Variants in COL23A1 observed in about 807,000 individuals in gnomAD.
The protein encoded by COL23A1 is collagen alpha-1(XXIII) chain.
In COL23A1, 97 loss-of-function variants were observed where a neutral mutation model predicts 99.3. The observed-to-expected ratio is 0.98, with a 90% CI of 0.83 to 1.16. The LOEUF is 1.16. COL23A1 is among the 50% of genes most tolerant of loss of function. The pLI, the probability that COL23A1 is intolerant of heterozygous loss-of-function variation, is 0.00. For missense variants in COL23A1, 762 were observed against 757.4 expected (o/e 1.01, Z -0.07); for synonymous variants, 320 against 308.2 (o/e 1.04, Z -0.40).
Position 178,428,257 on chromosome 5 carries a change from G to T in COL23A1, c.362-121338C>A, listed in dbSNP as rs142771160. 8.3e-4 allele frequency among the ~76,000 whole-genome samples: 126 copies of T among 152,276 alleles called. 1 individual carries two copies. In the East Asian group the frequency reaches 0.022, roughly 27 times the overall value. On this transcript the variant is annotated intron_variant, in intron 2 of 28. Coordinates refer to ENST00000390654, the MANE Select transcript of COL23A1 (RefSeq NM_173465.4). The surrounding 1 kb of genome is among the most constrained non-coding windows in gnomAD (Gnocchi z 5.0). ...CCCCGAGGCATTTCCTGGGAGAAGGGTCTCTGGCTTCCCAAGATGCCATCT... is the reference window on the plus strand; with the variant it reads ...CCCCGAGGCATTTCCTGGGAGAAGGTTCTCTGGCTTCCCAAGATGCCATCT...
intron 2 of COL23A1, among the ~76,000 whole-genome samples, chr5:178,329,745 T>A (rs529309638): frequency 6.6e-6 from 1 of 152,242 alleles, no homozygotes. Flanking sequence ...GAGACCAGCC[T>A]GGCTAACATA....
At chr5:178,529,407 T>A (rs1038754981) in intron 2 of COL23A1, among the ~76,000 whole-genome samples, 2 of 150,684 alleles carry the variant, frequency 1.3e-5, no homozygotes, top group Non-Finnish European at 2.9e-5. Flanking sequence ...GGCGTGACCA[T>A]CAGACGCCTG....
chr5:178,347,803 C>T (rs553840010), intron 2 of COL23A1, among the ~76,000 whole-genome samples: 4 of 149,050 alleles, frequency 2.7e-5, no homozygotes, highest in Admixed American at 2.7e-4. Context: ...ATCACTTGAA[C>T]CCGGGAGGCG....
At chr5:178,588,199 T>C (rs1489429416) in intron 1 of COL23A1, among the ~76,000 whole-genome samples, 1 of 152,042 alleles carries the variant, frequency 6.6e-6, no homozygotes, top group African/African-American at 2.4e-5. Context: ...CCAGGTAAAA[T>C]TCAGTGCAGC....
chr5:178,282,162 A>C (rs1756936686), intron 5 of COL23A1, among the ~76,000 whole-genome samples: 1 of 152,096 alleles, frequency 6.6e-6, no homozygotes, highest in Non-Finnish European at 1.5e-5. Context: ...ACAGAACTGG[A>C]CATTTCATTA....
chr5:178,506,775 C>T (rs1309574431), intron 2 of COL23A1, among the ~76,000 whole-genome samples: 1 of 152,136 alleles, frequency 6.6e-6, no homozygotes, highest in African/African-American at 2.4e-5. Flanking sequence ...ATCATAGTTT[C>T]AAAACAATAC....
chr5:178,530,087 T>C (rs986785038), intron 2 of COL23A1, among the ~76,000 whole-genome samples: 14 of 152,156 alleles, frequency 9.2e-5, no homozygotes, highest in African/African-American at 3.1e-4. Flanking sequence ...CGTGAAGGAA[T>C]AGGAACACTG....
chr5:178,429,433 C>T (rs573016299), intron 2 of COL23A1, among the ~76,000 whole-genome samples: 2 of 152,336 alleles, frequency 1.3e-5, no homozygotes, highest in South Asian at 2.1e-4. Flanking sequence ...CATGCCAAAG[C>T]GAAAGTTAAG....
At chr5:178,358,419 GTGTGTGTATGTGTA>G (rs1168044094) in intron 2 of COL23A1, among the ~76,000 whole-genome samples, 41 of 140,240 alleles carry the variant, frequency 2.9e-4, no homozygotes, top group African/African-American at 1.1e-3. Flanking sequence ...GTATGTGTAT[GTGTGTGTATGTGTA>G]TGTGTGTATG....
Position 178,242,102 on chromosome 5 carries a change from T to G in COL23A1, c.1521A>C (p.Lys507Asn), listed in dbSNP as rs1273229960. The G allele has an allele frequency of 6.4e-7, 1 of 1,553,540 alleles. No individual in the cohort carries two copies. The highest frequency in any genetic ancestry group is 8.7e-7 in the Non-Finnish European group (1 of 1,148,258). The stretch of plus-strand genomic sequence containing the variant: ...GCTCGCCCTTCTGGCCCTTCACTCC[T>G]TTCCGGCCGGGGACCCCTCGTTCTC... Reference protein sequence around the residue: ...EKGERGVPGRKGVKGQKGEPG... With the variant: ...EKGERGVPGRNGVKGQKGEPG... Residue 507 changes from lysine (K) to asparagine (N), a missense_variant, in exon 27 of 29, where the codon AAA becomes AAC. By Grantham distance (94) the Lys-to-Asn change is moderately conservative (BLOSUM62 0). Coordinates refer to ENST00000390654, the MANE Select transcript of COL23A1 (RefSeq NM_173465.4).
At chr5:178,541,472 G>A (rs955596440) in intron 2 of COL23A1, among the ~76,000 whole-genome samples, 23 of 152,160 alleles carry the variant, frequency 1.5e-4, no homozygotes, top group African/African-American at 5.3e-4. Context: ...CTGCTTGGGA[G>A]GCTGAGGCAG....
At chr5:178,502,787 C>T (rs2127987306) in intron 2 of COL23A1, among the ~76,000 whole-genome samples, 1 of 152,350 alleles carries the variant, frequency 6.6e-6, no homozygotes, top group South Asian at 2.1e-4. Flanking sequence ...CTCACACACG[C>T]CAGAAGACGT....
intron 2 of COL23A1, among the ~76,000 whole-genome samples, chr5:178,464,632 C>A (rs567332385): frequency 6.6e-6 from 1 of 152,318 alleles, no homozygotes; most frequent in East Asian, 1.9e-4. Flanking sequence ...TGCAGGAAAG[C>A]CGGCTCCGTG....
chr5:178,561,275 GTT>G (rs1762547011), intron 1 of COL23A1, among the ~76,000 whole-genome samples: 1 of 152,208 alleles, frequency 6.6e-6, no homozygotes, highest in Admixed American at 6.5e-5. Context: ...ATTTTCCTTT[GTT>G]GTTTTCTGTT....
At chr5:178,584,331 C>CACAT (rs1242245411) in intron 1 of COL23A1, among the ~76,000 whole-genome samples, 1 of 151,244 alleles carries the variant, frequency 6.6e-6, no homozygotes, top group African/African-American at 2.4e-5. Flanking sequence ...CACACACACA[C>CACAT]ACACACACAC....
At chr5:178,286,774 C>T (rs1251685441) in intron 5 of COL23A1, among the ~76,000 whole-genome samples, 1 of 152,156 alleles carries the variant, frequency 6.6e-6, no homozygotes, top group Non-Finnish European at 1.5e-5. Flanking sequence ...AGAACAAGCC[C>T]CCTGCCCCTC....
intron 2 of COL23A1, among the ~76,000 whole-genome samples, chr5:178,458,920 G>A (rs1755953532): frequency 6.6e-6 from 1 of 152,158 alleles, no homozygotes; most frequent in Non-Finnish European, 1.5e-5. Context: ...AAATACAGGG[G>A]CAGAGGAATC....
chr5:178,583,623 T>C (rs1297577367), intron 1 of COL23A1, among the ~76,000 whole-genome samples: 1 of 152,152 alleles, frequency 6.6e-6, no homozygotes, highest in Non-Finnish European at 1.5e-5. Context: ...TCCACACTGG[T>C]CCATCAGAGG....
intron 2 of COL23A1, among the ~76,000 whole-genome samples, chr5:178,418,622 A>C (rs1765434779): frequency 6.6e-6 from 1 of 150,594 alleles, no homozygotes; most frequent in Non-Finnish European, 1.5e-5. Context: ...CAGCCCTTTC[A>C]CCAGCCTCCC....
Sources: allele counts gnomAD v4.1 joint callset (sites outside exome capture counted in the v4.1 genomes callset), GRCh38; gene constraint gnomAD v4.1.1; non-coding constraint Gnocchi (gnomAD v3.1); transcripts MANE v1.5; gene names NCBI Gene and HGNC (gene_info 2026-07-23, HGNC 2026-07-21).